PRUNE2: variants seen among roughly 807,000 people sequenced by gnomAD.
The protein encoded by PRUNE2 is protein prune homolog 2.
Under a neutral mutation model 252.0 loss-of-function variants are expected in PRUNE2, and 164 were observed. The ratio of observed to expected loss-of-function variants is 0.65; its 90% confidence interval spans 0.57 to 0.74. The LOEUF (loss-of-function observed/expected upper bound fraction) is 0.74, where lower values mean the gene tolerates loss of function less well. Among genes scored for constraint, PRUNE2 ranks in the 30% least tolerant of loss-of-function variants. PRUNE2 has a pLI of 0.00. For missense variants in PRUNE2, 3,495 were observed against 3,711.0 expected (o/e 0.94, Z 1.51); for synonymous variants, 1,292 against 1,350.2 (o/e 0.96, Z 0.94).
intron 1 of PRUNE2, among the ~76,000 whole-genome samples, chr9:76,900,541 T>G: frequency 6.6e-6 from 1 of 152,142 alleles, no homozygotes. Flanking sequence ...GTGCAGGTTG[T>G]GTACTATACA....
intron 9 of PRUNE2, among the ~76,000 whole-genome samples, chr9:76,663,311 C>A (rs1186630261): frequency 6.6e-6 from 1 of 152,192 alleles, no homozygotes; most frequent in Admixed American, 6.5e-5. Flanking sequence ...GGAGAAGCAT[C>A]TTAGAAGCCA....
At chr9:76,625,048 C>T (rs1316519153) in intron 16 of PRUNE2, 2 of 1,303,358 alleles carry the variant, frequency 1.5e-6, no homozygotes, top group Admixed American at 2.3e-5. Flanking sequence ...TAAGATCTCT[C>T]TTCATCGTAC....
At position 76,708,485 on chromosome 9, in the gene PRUNE2, A is replaced by C; in HGVS notation, c.3789T>G (p.His1263Gln). The change falls in exon 8 of 19, where the codon CAT (histidine) becomes CAG (glutamine). Residue 1263 changes from histidine to glutamine, a missense_variant. Physicochemically the swap from His to Gln is conservative, Grantham distance 24 (BLOSUM62 0). Coordinates refer to ENST00000376718, the MANE Select transcript of PRUNE2 (RefSeq NM_015225.3). ...CAGAGGCTGCTGGCGCATCTGGGGA[A>C]TGAGTGTCTTTAACATTTGCTGAAT... ...PSHSANVKDTHSPDAPAASGT... is the reference protein window; with the variant it reads ...PSHSANVKDTQSPDAPAASGT... 1 of 1,613,886 alleles carries C rather than the reference A, an allele frequency of 6.2e-7. No individual in the cohort carries two copies. Among genetic ancestry groups the C allele is most frequent in the Non-Finnish European group, 8.5e-7 (1 of 1,179,862 alleles).
chr9:76,668,169 C>CTGTTCTAAG (rs1016029106), intron 9 of PRUNE2, among the ~76,000 whole-genome samples: 3 of 152,126 alleles, frequency 2.0e-5, no homozygotes, highest in African/African-American at 7.2e-5. Context: ...CTTTGACCAG[C>CTGTTCTAAG]TGTTCTAAGA....
intron 18 of PRUNE2, among the ~76,000 whole-genome samples, 186 bp downstream of exon 18, chr9:76,619,154 G>A (rs540592345): frequency 2.0e-5 from 3 of 152,310 alleles, no homozygotes; most frequent in African/African-American, 7.2e-5. Context: ...AAATTTAAGG[G>A]GTGATCGTGA....
intron 6 of PRUNE2, among the ~76,000 whole-genome samples, chr9:76,760,605 C>T (rs2051615611): frequency 2.6e-5 from 4 of 152,150 alleles, no homozygotes; most frequent in African/African-American, 9.7e-5. Context: ...CTAACTATGA[C>T]CATGATTTTA....
At position 76,792,134 on chromosome 9, in the gene PRUNE2, A is replaced by G. The variant is rs142029440; in HGVS notation, c.756+31498T>C. Among the ~76,000 whole-genome samples, 817 of 152,172 alleles carry G rather than the reference A, an allele frequency of 5.4e-3. 7 individuals are homozygous for G. The highest frequency in any genetic ancestry group is 0.014 in the Middle Eastern group (4 of 294). ...AATCTCATTTTGAATTATAGCTGCT[A>G]TATTTCCCATGTGTGGTGGGAGGGG... On this transcript the variant is annotated intron_variant, in intron 6 of 18. Transcript: ENST00000376718.
intron 6 of PRUNE2, among the ~76,000 whole-genome samples, chr9:76,735,056 A>G (rs1260898064): frequency 6.6e-6 from 1 of 152,128 alleles, no homozygotes; most frequent in East Asian, 1.9e-4. Context: ...GGAGAGAGGA[A>G]TATCCCTGAG....
At position 76,756,438 on chromosome 9, in the gene PRUNE2, A is replaced by G. The variant is rs115122062; in HGVS notation, c.757-42717T>C. ...GAGCTGCCTGTATGGCTCACTGGCC[A>G]GATGGCGCTGCTTCCCCATTCTTTC... On this transcript the variant is annotated intron_variant, in intron 6 of 18. Coordinates refer to ENST00000376718, the MANE Select transcript of PRUNE2 (RefSeq NM_015225.3). Among the ~76,000 whole-genome samples the G allele has an allele frequency of 3.2e-3, 491 of 152,368 alleles. 5 individuals carry two copies. The highest frequency in any genetic ancestry group is 0.012 in the African/African-American group (482 of 41,584).
intron 9 of PRUNE2, among the ~76,000 whole-genome samples, chr9:76,662,365 C>T (rs1468856931): frequency 1.3e-5 from 2 of 152,212 alleles, no homozygotes; most frequent in Admixed American, 1.3e-4. Context: ...TACATTTCTT[C>T]ATATGGAAGG....
At chr9:76,834,640 G>A (rs764637386) in intron 4 of PRUNE2, among the ~76,000 whole-genome samples, 1 of 152,140 alleles carries the variant, frequency 6.6e-6, no homozygotes, top group Non-Finnish European at 1.5e-5. Context: ...GAATAATTTA[G>A]TGAAAACAGA....
Position 76,709,102 on chromosome 9 carries a change from C to T in PRUNE2, c.3172G>A (p.Glu1058Lys). The part of the protein sequence containing the change: ...HNLDENELKT[E>K]HTDGKNISME... ...GAGATATTCTTACCATCTGTGTGCTCTGTCTTGAGTTCATTTTCATCCAGG... is the reference window on the plus strand; with the variant it reads ...GAGATATTCTTACCATCTGTGTGCTTTGTCTTGAGTTCATTTTCATCCAGG... Residue 1058 changes from glutamate to lysine, a missense_variant, in exon 8 of 19, where the codon GAG becomes AAG. Coordinates refer to ENST00000376718, the MANE Select transcript of PRUNE2 (RefSeq NM_015225.3). 1 of 1,613,962 alleles carries T rather than the reference C, an allele frequency of 6.2e-7. No homozygotes were observed. The highest frequency in any genetic ancestry group is 8.5e-7 in the Non-Finnish European group (1 of 1,179,878).
chr9:76,735,669 A>C (rs1276127873), intron 6 of PRUNE2, among the ~76,000 whole-genome samples: 1 of 152,064 alleles, frequency 6.6e-6, no homozygotes. Flanking sequence ...AAGAATCAAA[A>C]CTTAAAAGTG....
chr9:76,843,725 C>CTTTT (rs71501394), intron 4 of PRUNE2, among the ~76,000 whole-genome samples: 2 of 128,162 alleles, frequency 1.6e-5, no homozygotes, highest in Non-Finnish European at 3.3e-5. Flanking sequence ...CTTGATTCCT[C>CTTTT]TTTTTTTTTT....
At chr9:76,905,614 C>A (rs1460382726) in intron 1 of PRUNE2, among the ~76,000 whole-genome samples, 1 of 152,164 alleles carries the variant, frequency 6.6e-6, no homozygotes, top group Admixed American at 6.5e-5. Flanking sequence ...GAAGACCACA[C>A]CCATTTATCC....
intron 6 of PRUNE2, among the ~76,000 whole-genome samples, chr9:76,724,325 A>T (rs2047916125): frequency 7.7e-6 from 1 of 129,524 alleles, no homozygotes; most frequent in African/African-American, 2.7e-5. Flanking sequence ...AAAAAAAAAA[A>T]TAGCCAGGCA....
chr9:76,615,014 A>G (rs1047080278), intron 18 of PRUNE2: 2 of 766,660 alleles, frequency 2.6e-6, no homozygotes, highest in African/African-American at 3.8e-5. Flanking sequence ...GACAAGCACT[A>G]AATAGTAAGA....
At chr9:76,682,990 G>T (rs669296) in intron 9 of PRUNE2, among the ~76,000 whole-genome samples, 12 of 152,010 alleles carry the variant, frequency 7.9e-5, no homozygotes, top group Non-Finnish European at 2.9e-5. Flanking sequence ...AAATTTTTTA[G>T]TGTATTCAGA....
At chr9:76,859,597 A>T (rs1260544294) in intron 1 of PRUNE2, among the ~76,000 whole-genome samples, 1 of 152,114 alleles carries the variant, frequency 6.6e-6, no homozygotes. Context: ...ATCAGCCATG[A>T]AAGAGTTTAA....
Sources: gnomAD v4.1 joint callset for allele counts (sites outside exome capture counted in the v4.1 genomes callset) on GRCh38, gnomAD v4.1.1 for gene constraint, MANE v1.5 for transcripts, NCBI Gene and HGNC (gene_info 2026-07-23, HGNC 2026-07-21) for gene names.